FAM3D: variants seen among roughly 807,000 people sequenced by gnomAD.
FAM3D encodes FAM3 metabolism regulating signaling molecule D, also known as protein FAM3D.
Under a neutral mutation model 29.8 loss-of-function variants are expected in FAM3D, and 26 were observed. The observed-to-expected ratio is 0.87, with a 90% CI of 0.64 to 1.21. FAM3D has a LOEUF of 1.21. FAM3D is among the 50% of genes most tolerant of loss of function. FAM3D has a pLI of 0.00. For synonymous variants in FAM3D, 115 were observed against 102.3 expected, an observed-to-expected ratio of 1.12 and a Z score of -0.75; for missense variants, 253 against 290.9, an observed-to-expected ratio of 0.87 and a Z score of 0.95.
chr3:58,651,808 T>C (rs1182777970), intron 3 of FAM3D, among the ~76,000 whole-genome samples: 1 of 98,708 alleles, frequency 1.0e-5, no homozygotes, highest in East Asian at 3.7e-4. Flanking sequence ...GTCTAGTTTG[T>C]AAAAGCAGCG....
At position 58,635,998 on chromosome 3, in the gene FAM3D, G is replaced by A. The variant is rs981213768; in HGVS notation, c.585+296C>T. Among the ~76,000 whole-genome samples the A allele has an allele frequency of 3.3e-5, 5 of 152,310 alleles. 1 individual carries two copies. In the South Asian group the frequency reaches 8.3e-4, roughly 25 times the overall value. On this transcript the variant is annotated intron_variant, in intron 9 of 9. Transcript: ENST00000358781. The surrounding 1 kb of genome is among the most constrained non-coding windows in gnomAD (Gnocchi z 5.2). ...AGCTCCATGTCTCCATTTCTTTCTC[G>A]TTCCTTCATGCCTCACTTGCCCATC...
intron 1 of FAM3D, among the ~76,000 whole-genome samples, chr3:58,658,362 T>C (rs1386504534): frequency 6.6e-6 from 1 of 152,178 alleles, no homozygotes; most frequent in Admixed American, 6.5e-5. Context: ...GCAAGTCACT[T>C]GTCTAGGGCC....
intron 1 of FAM3D, among the ~76,000 whole-genome samples, chr3:58,661,393 A>G (rs928139983): frequency 6.6e-6 from 1 of 152,114 alleles, no homozygotes; most frequent in African/African-American, 2.4e-5. Flanking sequence ...GGGTGGCTCC[A>G]TGAGCTCTGC....
At chr3:58,653,529 G>GC in intron 3 of FAM3D, 145 bp downstream of exon 3, 3 of 770,422 alleles carry the variant, frequency 3.9e-6, no homozygotes, top group Non-Finnish European at 6.6e-6. Context: ...GTCTGGGGGT[G>GC]CCCCCTCTCC....
chr3:58,643,535 C>A (rs2066393196), intron 6 of FAM3D, 127 bp downstream of exon 6: 2 of 1,049,438 alleles, frequency 1.9e-6, no homozygotes, highest in African/African-American at 1.6e-5. Flanking sequence ...GCTTCCCCTC[C>A]TGAGCTCTAC....
chr3:58,635,772 C>T lies in FAM3D; in HGVS notation c.585+522G>A, dbSNP rs367769673. Reference sequence around the variant, plus strand: ...TAGCTTAGGAAAGAAATCCTCCCATCCCAGTCCTGGTGCCCTTCCTAGAGC... The same window carrying T: ...TAGCTTAGGAAAGAAATCCTCCCATTCCAGTCCTGGTGCCCTTCCTAGAGC... On this transcript the variant is annotated intron_variant, in intron 9 of 9. Coordinates refer to ENST00000358781, the MANE Select transcript of FAM3D (RefSeq NM_138805.3). The surrounding 1 kb of genome is among the most constrained non-coding windows in gnomAD (Gnocchi z 5.2). Among the ~76,000 whole-genome samples the T allele has an allele frequency of 9.1e-4, 139 of 152,364 alleles. 1 individual carries two copies. The highest frequency in any genetic ancestry group is 3.1e-3 in the African/African-American group (130 of 41,582).
At chr3:58,643,328 C>A (rs1332673742) in intron 6 of FAM3D, among the ~76,000 whole-genome samples, 2 of 152,246 alleles carry the variant, frequency 1.3e-5, no homozygotes, top group African/African-American at 2.4e-5. Context: ...TGATCTTGCA[C>A]TGTCATTGGT....
rs1559492434 is a variant in FAM3D, at chr3:58,634,281, A to C, written c.673T>G (p.Ter225GluextTer100). Residue 225 changes from the stop codon to glutamate (E), a stop_lost, in exon 10 of 10, where the codon TAG becomes GAG. Transcript: ENST00000358781. This position sits in a 1 kb window ranked among gnomAD's most constrained non-coding sequence, Gnocchi z 4.6. ...GCTGAGGAAGAGCCACAGCCACCCTAAAATGGCTTCGGGGGCATGCAGCCC... is the reference window on the plus strand; with the variant it reads ...GCTGAGGAAGAGCCACAGCCACCCTCAAATGGCTTCGGGGGCATGCAGCCC... ...MEGCMPPKPF[*>E] 1.2e-6 allele frequency: 2 copies of C among 1,613,706 alleles called. No homozygotes were observed. The highest frequency in any genetic ancestry group is 1.7e-6 in the Non-Finnish European group (2 of 1,179,922).
chr3:58,641,017 A>G (rs752900783), intron 6 of FAM3D, among the ~76,000 whole-genome samples: 21 of 151,140 alleles, frequency 1.4e-4, no homozygotes, highest in Non-Finnish European at 2.8e-4. Context: ...GCGCTTGTGA[A>G]TGATTCTGCA....
chr3:58,644,774 A>C (rs9823117), intron 5 of FAM3D, among the ~76,000 whole-genome samples: 1 of 151,552 alleles, frequency 6.6e-6, no homozygotes, highest in Non-Finnish European at 1.5e-5. Flanking sequence ...TGCAAGTAGA[A>C]AAAAAAAAGC....
Position 58,640,114 on chromosome 3 carries a change from C to T in FAM3D, c.373+13G>A. 6.2e-7 allele frequency: 1 copy of T among 1,614,114 alleles called. No homozygotes were observed. Among genetic ancestry groups the T allele is most frequent in the Non-Finnish European group, 8.5e-7 (1 of 1,179,990 alleles). On this transcript the variant is annotated intron_variant, in intron 7 of 9. Coordinates refer to ENST00000358781, the MANE Select transcript of FAM3D (RefSeq NM_138805.3). ...CCCCCGACTGTGACTTCAGTGTCAGCAGAGGCACCTACCTCCAGAGTACAT... is the reference window on the plus strand; with the variant it reads ...CCCCCGACTGTGACTTCAGTGTCAGTAGAGGCACCTACCTCCAGAGTACAT...
chr3:58,655,584 C>T lies in FAM3D; in HGVS notation c.-21G>A. ...CTCATCCTGTCCAGGTGAAGGGTGG[C>T]TTGGGGTCAGCTTCCACCTATGGAG... On this transcript the variant is annotated 5_prime_UTR_variant, in exon 2 of 10. Coordinates refer to ENST00000358781, the MANE Select transcript of FAM3D (RefSeq NM_138805.3). 6.2e-7 allele frequency: 1 copy of T among 1,612,742 alleles called. No homozygotes were observed. The highest frequency in any genetic ancestry group is 8.5e-7 in the Non-Finnish European group (1 of 1,179,292).
At chr3:58,643,601 G>T in intron 6 of FAM3D, 61 bp downstream of exon 6, 1 of 1,542,406 alleles carries the variant, frequency 6.5e-7, no homozygotes, top group Non-Finnish European at 9.0e-7. Context: ...TGAATATGCC[G>T]CTACCCCCTA....
chr3:58,644,363 A>G (rs1035748717), intron 5 of FAM3D, among the ~76,000 whole-genome samples: 1 of 152,308 alleles, frequency 6.6e-6, no homozygotes, highest in East Asian at 1.9e-4. Flanking sequence ...TGCTGTTCTC[A>G]TGATAGTGAG....
intron 6 of FAM3D, 135 bp from the exon 7 acceptor site, chr3:58,640,312 G>T: frequency 1.0e-6 from 1 of 1,002,712 alleles, no homozygotes; most frequent in Non-Finnish European, 1.5e-6. Flanking sequence ...CCTATAAAGA[G>T]CACGCAGGAC....
chr3:58,665,814 T>C (rs534848402), intron 1 of FAM3D, among the ~76,000 whole-genome samples: 1 of 152,324 alleles, frequency 6.6e-6, no homozygotes, highest in African/African-American at 2.4e-5. Flanking sequence ...AATGTGTTAT[T>C]ATATGGAGAG....
chr3:58,642,559 A>G (rs2106769825), intron 6 of FAM3D, among the ~76,000 whole-genome samples: 1 of 152,230 alleles, frequency 6.6e-6, no homozygotes, highest in South Asian at 2.1e-4. Context: ...AGAGGCAGAG[A>G]GGAGGTCTGG....
intron 4 of FAM3D, among the ~76,000 whole-genome samples, chr3:58,648,367 ATGT>A (rs1386956801): frequency 2.0e-5 from 3 of 152,168 alleles, no homozygotes; most frequent in Non-Finnish European, 4.4e-5. Flanking sequence ...AGTCACCACC[ATGT>A]TGAGAAGGAA....
chr3:58,640,067 A>G, intron 7 of FAM3D, 60 bp downstream of exon 7: 2 of 1,579,190 alleles, frequency 1.3e-6, no homozygotes, highest in Non-Finnish European at 1.7e-6. Flanking sequence ...CCACATGAAG[A>G]GGCTCAGCCC....
Sources: allele counts gnomAD v4.1 joint callset (sites outside exome capture counted in the v4.1 genomes callset), GRCh38; gene constraint gnomAD v4.1.1; non-coding constraint Gnocchi (gnomAD v3.1); transcripts MANE v1.5; gene names NCBI Gene and HGNC (gene_info 2026-07-23, HGNC 2026-07-21).